C8orf34: variants seen among roughly 807,000 people sequenced by gnomAD.
C8orf34 encodes the protein chromosome 8 open reading frame 34.
In C8orf34, 65 loss-of-function variants were observed where a neutral mutation model predicts 68.3. That is an observed-to-expected ratio of 0.95 (90% CI 0.78 to 1.17). The LOEUF is 1.17. Ranked by LOEUF, C8orf34 falls within the 50% of genes most tolerant of loss-of-function variation. C8orf34 has a pLI of 0.00. For synonymous variants in C8orf34, 244 were observed against 241.2 expected (o/e 1.01, Z -0.11); for missense variants, 664 against 655.4 (o/e 1.01, Z -0.14).
At chr8:68,626,856 G>A (rs1818550670) in intron 7 of C8orf34, among the ~76,000 whole-genome samples, 1 of 152,134 alleles carries the variant, frequency 6.6e-6, no homozygotes, top group Non-Finnish European at 1.5e-5. Context: ...TAATATAGTG[G>A]TACCTAAAAG....
intron 5 of C8orf34, among the ~76,000 whole-genome samples, chr8:68,498,601 G>A (rs4270946): frequency 0.5 from 76,547 of 151,890 alleles, 19,530 homozygotes; most frequent in African/African-American, 0.57. Context: ...ACTGTTGTGT[G>A]TGCTTTGCGT....
chr8:68,418,645 G>A (rs1256635979), intron 1 of C8orf34, among the ~76,000 whole-genome samples: 3 of 152,072 alleles, frequency 2.0e-5, no homozygotes, highest in African/African-American at 4.8e-5. Context: ...ATAGATCAAC[G>A]GAACAGAACA....
rs563969202 is a variant in C8orf34, at chr8:68,490,003, C to T, written c.765+1952C>T. On this transcript the variant is annotated intron_variant, in intron 5 of 13. Coordinates refer to ENST00000518698, the MANE Select transcript of C8orf34 (RefSeq NM_052958.4). ...GACTCCAGGCAGAACTCCATGTTGA[C>T]CATACTCAATGGCAAGTGCATAAGT... Among the ~76,000 whole-genome samples, 146 of 152,300 alleles carry T rather than the reference C, an allele frequency of 9.6e-4. 1 individual carries two copies. The highest frequency in any genetic ancestry group is 2.3e-3 in the East Asian group (12 of 5,178).
chr8:68,641,090 T>C (rs1818994860), intron 8 of C8orf34, among the ~76,000 whole-genome samples: 1 of 152,238 alleles, frequency 6.6e-6, no homozygotes, highest in African/African-American at 2.4e-5. Flanking sequence ...TTCATTCCTT[T>C]GTAGGAACTA....
chr8:68,430,596 A>G (rs1810413863), intron 1 of C8orf34, among the ~76,000 whole-genome samples: 1 of 152,188 alleles, frequency 6.6e-6, no homozygotes, highest in African/African-American at 2.4e-5. Flanking sequence ...TATGATTGGT[A>G]TCCAGAAAAC....
chr8:68,750,398 T>C (rs1423559447), intron 10 of C8orf34, among the ~76,000 whole-genome samples: 2 of 152,148 alleles, frequency 1.3e-5, no homozygotes, highest in East Asian at 1.9e-4. Flanking sequence ...ATATCCAGAA[T>C]TGGCTAATTC....
intron 9 of C8orf34, among the ~76,000 whole-genome samples, chr8:68,717,339 G>T (rs528884035): frequency 6.6e-6 from 1 of 152,128 alleles, no homozygotes; most frequent in African/African-American, 2.4e-5. Context: ...CCCAGGCGGG[G>T]CCCGGGTTCG....
At chr8:68,475,429 G>C (rs370172998) in intron 4 of C8orf34, among the ~76,000 whole-genome samples, 1 of 152,146 alleles carries the variant, frequency 6.6e-6, no homozygotes. Flanking sequence ...CACATAACTT[G>C]GTTATGGTTT....
At chr8:68,686,475 C>G (rs977398091) in intron 8 of C8orf34, among the ~76,000 whole-genome samples, 1 of 152,012 alleles carries the variant, frequency 6.6e-6, no homozygotes, top group African/African-American at 2.4e-5. Flanking sequence ...AATGGCTTAA[C>G]ATATGAGAGT....
chr8:68,486,691 A>G (rs562452977), intron 4 of C8orf34, among the ~76,000 whole-genome samples: 3 of 152,102 alleles, frequency 2.0e-5, no homozygotes, highest in Non-Finnish European at 4.4e-5. Context: ...TACCCTCCAC[A>G]TCTATACCCG....
chr8:68,492,074 TA>T (rs1813336943), intron 5 of C8orf34, among the ~76,000 whole-genome samples: 1 of 152,208 alleles, frequency 6.6e-6, no homozygotes, highest in Non-Finnish European at 1.5e-5. Context: ...AACTCCTCAA[TA>T]AATCACTTTC....
At chr8:68,801,097 C>T (rs1824314523) in intron 12 of C8orf34, among the ~76,000 whole-genome samples, 1 of 152,106 alleles carries the variant, frequency 6.6e-6, no homozygotes, top group African/African-American at 2.4e-5. Context: ...AAAAGCCTCT[C>T]CCAGGGCTCA....
chr8:68,785,329 C>T (rs117269909), intron 11 of C8orf34, among the ~76,000 whole-genome samples: 1,850 of 152,302 alleles, frequency 0.012, 21 homozygotes, highest in Non-Finnish European at 0.02. Flanking sequence ...ACATTATGCA[C>T]GGATCATTCC....
rs147009539 is a variant in C8orf34, at chr8:68,629,344, G to C, written c.1106-11032G>C. Among the ~76,000 whole-genome samples, 222 of 152,282 alleles carry C rather than the reference G, an allele frequency of 1.5e-3. 1 individual carries two copies. Among genetic ancestry groups the C allele is most frequent in the African/African-American group, 5.2e-3 (218 of 41,560 alleles). ...TGTATTCCCTAAAAGTGGTAAGATGGAGAAGCCTGTTCAGATGGCACATTC... is the reference window on the plus strand; with the variant it reads ...TGTATTCCCTAAAAGTGGTAAGATGCAGAAGCCTGTTCAGATGGCACATTC... On this transcript the variant is annotated intron_variant, in intron 7 of 13. Transcript: ENST00000518698.
intron 6 of C8orf34, among the ~76,000 whole-genome samples, chr8:68,531,267 T>C (rs901356040): frequency 6.6e-6 from 1 of 152,164 alleles, no homozygotes; most frequent in Admixed American, 6.5e-5. Flanking sequence ...GTAAAGTCCT[T>C]TATGGATTTT....
At chr8:68,661,791 G>A (rs1448026821) in intron 8 of C8orf34, among the ~76,000 whole-genome samples, 1 of 152,076 alleles carries the variant, frequency 6.6e-6, no homozygotes, top group Non-Finnish European at 1.5e-5. Context: ...GGTAGTTGGA[G>A]GTTCTCGGGG....
intron 8 of C8orf34, among the ~76,000 whole-genome samples, chr8:68,672,055 A>G (rs571487352): frequency 2.8e-4 from 42 of 152,364 alleles, no homozygotes; most frequent in Non-Finnish European, 2.4e-4. Flanking sequence ...TATAAAATAT[A>G]TGAGAAATAC....
At chr8:68,722,981 A>C (rs1030506245) in intron 10 of C8orf34, among the ~76,000 whole-genome samples, 2 of 152,054 alleles carry the variant, frequency 1.3e-5, no homozygotes, top group African/African-American at 4.8e-5. Context: ...TCCTCTATTC[A>C]ATGCAGAGAT....
intron 7 of C8orf34, among the ~76,000 whole-genome samples, chr8:68,552,294 A>G (rs2130066156): frequency 6.6e-6 from 1 of 152,310 alleles, no homozygotes; most frequent in South Asian, 2.1e-4. Flanking sequence ...CAATTTGGGA[A>G]GTATTACCTA....
Sources: gnomAD v4.1 joint callset for allele counts (sites outside exome capture counted in the v4.1 genomes callset) on GRCh38, gnomAD v4.1.1 for gene constraint, MANE v1.5 for transcripts, NCBI Gene and HGNC (gene_info 2026-07-23, HGNC 2026-07-21) for gene names.